Variants in MYBPC1 observed in about 807,000 individuals in gnomAD.
MYBPC1 encodes the protein myosin binding protein C1, also known as myosin-binding protein C, slow-type.
A neutral mutation model predicts 147.1 loss-of-function variants in MYBPC1; 52 were observed. That is an observed-to-expected ratio of 0.35 (90% CI 0.28 to 0.45). The LOEUF (loss-of-function observed/expected upper bound fraction) is 0.45, where lower values mean the gene tolerates loss of function less well. Ranked by LOEUF, MYBPC1 falls within the 20% of genes least tolerant of loss-of-function variation. MYBPC1 has a pLI of 1.00. For missense variants in MYBPC1, 1,228 were observed against 1,440.3 expected, an observed-to-expected ratio of 0.85 and a Z score of 2.39; for synonymous variants, 477 against 475.9, an observed-to-expected ratio of 1.00 and a Z score of -0.03.
rs190339206 is a variant in MYBPC1, at chr12:101,650,998, G to C, written c.1364-233G>C. ...AGTCTGCAGATTTTGTGCATTCCTT[G>C]CTGGGTCATTTCAGCTGGATGCAAT... On this transcript the variant is annotated intron_variant, in intron 15 of 31. Coordinates refer to ENST00000361466, the MANE Select transcript of MYBPC1 (RefSeq NM_002465.4). 1.2e-3 allele frequency: 642 copies of C among 520,234 alleles called. 3 individuals carry two copies. The highest frequency in any genetic ancestry group is 0.011 in the African/African-American group (588 of 52,102). 32.2% of individuals were successfully genotyped at this position (520,234 alleles called of 1,614,324 possible).
At chr12:101,633,237 G>T (rs1727093) in intron 8 of MYBPC1, among the ~76,000 whole-genome samples, 21 of 152,048 alleles carry the variant, frequency 1.4e-4, no homozygotes, top group African/African-American at 5.1e-4. Flanking sequence ...TCCAGCTTGA[G>T]TGTGTGGGTG....
Position 101,636,976 on chromosome 12 carries a change from T to A in MYBPC1, c.665+248T>A, listed in dbSNP as rs1035819548. The A allele has an allele frequency of 3.2e-4, 75 of 231,040 alleles. No individual in the cohort carries two copies. In the African/African-American group the frequency reaches 4.4e-3, roughly 13 times the overall value. 14.3% of individuals were successfully genotyped at this position (231,040 alleles called of 1,614,324 possible). A position where few individuals can be genotyped will look rare whatever the true frequency, so the allele number is the denominator to read the frequency against. On this transcript the variant is annotated intron_variant, in intron 10 of 31. Coordinates refer to ENST00000361466, the MANE Select transcript of MYBPC1 (RefSeq NM_002465.4). ...TCATGACTCTTCACCTATTTTTTTT[T>A]AAATGGGGACGAAGAGATATGAAAA...
chr12:101,663,496 C>T lies in MYBPC1; in HGVS notation c.2292C>T (p.Arg764=). 1 of 1,613,968 alleles carries T rather than the reference C, an allele frequency of 6.2e-7. No homozygotes were observed. Among genetic ancestry groups the T allele is most frequent in the Non-Finnish European group, 8.5e-7 (1 of 1,179,902 alleles). The change falls in exon 22 of 32, where the codon CGC becomes CGT. Residue 764 remains arginine, a synonymous_variant. Coordinates refer to ENST00000361466, the MANE Select transcript of MYBPC1 (RefSeq NM_002465.4). ...VTDTTVTMRW[R]PPDHIGAAGL... Reference sequence around the variant, plus strand: ...ACACGACTGTCACGATGAGGTGGCGCCCCCCAGACCACATTGGTGCAGCAG... The same window carrying T: ...ACACGACTGTCACGATGAGGTGGCGTCCCCCAGACCACATTGGTGCAGCAG...
At chr12:101,646,641 A>G in intron 12 of MYBPC1, 122 bp from the exon 13 acceptor site, 2 of 1,217,430 alleles carry the variant, frequency 1.6e-6, no homozygotes, top group Non-Finnish European at 2.4e-6. Flanking sequence ...CCTGTCTCAA[A>G]AAAAAACAAC....
At chr12:101,692,222 A>G in the MYBPC1 span, among the ~76,000 whole-genome samples, 4 of 152,268 alleles carry the variant, frequency 2.6e-5, no homozygotes, top group Middle Eastern at 0.014. Flanking sequence ...GGGAAGTTGG[A>G]CTTTATCAAA....
At chr12:101,612,013 G>A (rs950246056) in intron 1 of MYBPC1, among the ~76,000 whole-genome samples, 3 of 150,882 alleles carry the variant, frequency 2.0e-5, no homozygotes, top group Non-Finnish European at 4.4e-5. Context: ...GGAGGTGGAC[G>A]TTGCAGTGAG....
the MYBPC1 span, among the ~76,000 whole-genome samples, chr12:101,695,260 A>T: frequency 1.3e-5 from 2 of 152,196 alleles, no homozygotes; most frequent in African/African-American, 4.8e-5. Flanking sequence ...CCCTATATGT[A>T]CTATGTTGTT....
At chr12:101,620,877 G>A (rs1887213728) in intron 3 of MYBPC1, among the ~76,000 whole-genome samples, 1 of 152,048 alleles carries the variant, frequency 6.6e-6, no homozygotes, top group Admixed American at 6.6e-5. Context: ...ATCGTGAAAA[G>A]GGAAATAAAA....
chr12:101,651,528 A>G, intron 16 of MYBPC1, 135 bp downstream of exon 16: 1 of 1,147,874 alleles, frequency 8.7e-7, no homozygotes, highest in South Asian at 1.3e-5. Flanking sequence ...TTCGCTTCCA[A>G]CTAGCAAGAA....
intron 10 of MYBPC1, among the ~76,000 whole-genome samples, chr12:101,638,828 AGATTT>A (rs1369680947): frequency 2.0e-5 from 3 of 152,198 alleles, no homozygotes; most frequent in South Asian, 2.1e-4. Flanking sequence ...CCCCTGCTTA[AGATTT>A]GCATTCATAA....
At chr12:101,695,159 C>T in the MYBPC1 span, among the ~76,000 whole-genome samples, 45,202 of 152,034 alleles carry the variant, frequency 0.3, 9,184 homozygotes, top group African/African-American at 0.57. Flanking sequence ...TAAGTTCTGG[C>T]CAATGAGATA....
intron 1 of MYBPC1, among the ~76,000 whole-genome samples, chr12:101,602,334 C>T (rs570824867): frequency 1.8e-4 from 27 of 152,310 alleles, no homozygotes; most frequent in Admixed American, 6.5e-4. Flanking sequence ...CCTACCTCAG[C>T]CTCCTGAGTA....
intron 20 of MYBPC1, 23 bp downstream of exon 20, chr12:101,661,285 G>T: frequency 6.8e-7 from 1 of 1,468,990 alleles, no homozygotes; most frequent in Non-Finnish European, 9.5e-7. Flanking sequence ...TGGTTAGTCT[G>T]TGTAACTGCC....
chr12:101,663,200 G>A (rs1343239127), intron 21 of MYBPC1, among the ~76,000 whole-genome samples: 4 of 151,982 alleles, frequency 2.6e-5, no homozygotes, highest in Non-Finnish European at 4.4e-5. Context: ...TTCCCACACC[G>A]GCTTCTCAAT....
chr12:101,605,724 T>A (rs926409862), intron 1 of MYBPC1, among the ~76,000 whole-genome samples: 1 of 151,718 alleles, frequency 6.6e-6, no homozygotes, highest in African/African-American at 2.4e-5. Flanking sequence ...TAGCTGAGCG[T>A]GGTGGTGGAC....
intron 20 of MYBPC1, 138 bp from the exon 21 acceptor site, chr12:101,662,219 TA>T (rs1229928196): frequency 1.4e-6 from 1 of 699,236 alleles, no homozygotes; most frequent in Non-Finnish European, 2.4e-6. Context: ...TAAGATAGGT[TA>T]AAAATATTTA....
rs375041033 is a variant in MYBPC1 at position 101,614,309 on chromosome 12, GGT to G, written c.26-171_26-170del. ...TGTCTTGGGCCTCTTGATGCAGTAG[GGT>G]GTGTGTGTGTGTGTGAGAGAGAGAG... On this transcript the variant is annotated intron_variant, in intron 1 of 31. Transcript: ENST00000361466. Among the ~76,000 whole-genome samples the G allele has an allele frequency of 1.3e-3, 198 of 150,838 alleles. 1 individual carries two copies. The highest frequency in any genetic ancestry group is 1.7e-3 in the Non-Finnish European group (113 of 67,578).
At chr12:101,671,329 A>ACACACACT (rs1555252595) in intron 24 of MYBPC1, among the ~76,000 whole-genome samples, 15 of 138,508 alleles carry the variant, frequency 1.1e-4, no homozygotes, top group Middle Eastern at 3.9e-3. Context: ...ACACACACAC[A>ACACACACT]CACACACACT....
chr12:101,688,569 A>G (rs1274393107), downstream of MYBPC1, among the ~76,000 whole-genome samples: 2 of 151,206 alleles, frequency 1.3e-5, no homozygotes, highest in African/African-American at 4.8e-5. Flanking sequence ...ATTCATTTTT[A>G]GAATAATTCT....
Sources: gnomAD v4.1 joint callset for allele counts (sites outside exome capture counted in the v4.1 genomes callset) on GRCh38, gnomAD v4.1.1 for gene constraint, MANE v1.5 for transcripts, NCBI Gene and HGNC (gene_info 2026-07-23, HGNC 2026-07-21) for gene names.